The following STK3 variants were observed in gnomAD, a reference collection of about 807,000 sequenced individuals.
STK3 encodes the protein serine/threonine kinase 3.
STK3 carries 41 observed loss-of-function variants against 58.0 expected under a neutral mutation model. That is an observed-to-expected ratio of 0.71 (90% CI 0.55 to 0.92). STK3 has a LOEUF of 0.92. Among genes scored for constraint, STK3 ranks in the 40% least tolerant of loss-of-function variants. The probability of loss-of-function intolerance (pLI) is 0.00; values close to 1 mark genes in which losing one functional copy is unlikely to be tolerated. For synonymous variants in STK3, 170 were observed against 191.0 expected (o/e 0.89, Z 0.91); for missense variants, 479 against 602.7 (o/e 0.79, Z 2.15).
At chr8:98,866,930 A>C (rs2131864058) in intron 3 of STK3, among the ~76,000 whole-genome samples, 1 of 152,272 alleles carries the variant, frequency 6.6e-6, no homozygotes, top group East Asian at 1.9e-4. Flanking sequence ...TAATACCTTC[A>C]GCTGAAGGCA....
At position 98,813,043 on chromosome 8, in the gene STK3, A is replaced by AG. The variant is rs144787934; in HGVS notation, c.26+12471_26+12472insC. On this transcript the variant is annotated intron_variant, in intron 1 of 10. Coordinates refer to ENST00000419617, the MANE Select transcript of STK3 (RefSeq NM_006281.4). Reference sequence around the variant, plus strand: ...TAGAACTTAAAGCACAATAAAAAAAAAAAAAAGAAAGTGATGTGTTTCTTC... The same window carrying AG: ...TAGAACTTAAAGCACAATAAAAAAAAGAAAAAAGAAAGTGATGTGTTTCTTC... 4.2e-4 allele frequency among the ~76,000 whole-genome samples: 64 copies of AG among 152,096 alleles called. 1 individual carries two copies. In the East Asian group the frequency reaches 0.012, roughly 28 times the overall value.
chr8:98,789,847 T>A (rs529882095), intron 1 of STK3, among the ~76,000 whole-genome samples: 2 of 151,904 alleles, frequency 1.3e-5, no homozygotes, highest in African/African-American at 4.8e-5. Context: ...CCCAACATGG[T>A]GAAACCCTGT....
intron 10 of STK3, among the ~76,000 whole-genome samples, chr8:98,490,748 A>G (rs987423108): frequency 6.6e-6 from 1 of 152,224 alleles, no homozygotes; most frequent in Non-Finnish European, 1.5e-5. Context: ...TTCACAAACC[A>G]TTTACAAGTC....
chr8:98,345,248 A>T, the STK3 span, among the ~76,000 whole-genome samples: 1 of 152,040 alleles, frequency 6.6e-6, no homozygotes, highest in African/African-American at 2.4e-5. Flanking sequence ...GACTTTAATC[A>T]TGGAAAGATG....
intron 6 of STK3, among the ~76,000 whole-genome samples, chr8:98,696,581 T>C (rs201984959): frequency 2.0e-5 from 3 of 152,364 alleles, no homozygotes; most frequent in East Asian, 1.9e-4. Flanking sequence ...TGTTGAATTT[T>C]GTCAAAGGCC....
At chr8:98,844,475 GT>G (rs71273146) in intron 3 of STK3, among the ~76,000 whole-genome samples, 2 of 151,520 alleles carry the variant, frequency 1.3e-5, no homozygotes, top group Non-Finnish European at 2.9e-5. Context: ...GTGTGTTTTT[GT>G]TTTTTTTGAG....
chr8:98,877,807 A>G (rs1042617121), intron 3 of STK3, among the ~76,000 whole-genome samples: 1 of 152,144 alleles, frequency 6.6e-6, no homozygotes, highest in Non-Finnish European at 1.5e-5. Context: ...TTTGTGAGGG[A>G]AAAAAACTTG....
At position 98,875,737 on chromosome 8, in the gene STK3, G is replaced by A. The variant is rs138389115; in HGVS notation, c.110+7910C>T. 6.6e-5 allele frequency: 10 copies of A among 152,286 alleles called. No homozygotes were observed. The East Asian group carries it at 1.7e-3, about 26-fold the overall frequency. The allele number at this position is 152,286 out of a possible 1,614,324, so 9.4% of individuals were successfully genotyped here. ...GTTAACTCTGTAATCAAGTTATTCT[G>A]CCACGTGAAATTTTTCACAAATTGT... On this transcript the variant is annotated intron_variant, in intron 3 of 12. Coordinates refer to the STK3 transcript ENST00000523601.
chr8:98,787,902 C>G (rs1832569190), intron 1 of STK3, among the ~76,000 whole-genome samples: 1 of 152,136 alleles, frequency 6.6e-6, no homozygotes, highest in Admixed American at 6.5e-5. Context: ...TTGCCACTAC[C>G]AAGCCAGCAT....
intron 9 of STK3, among the ~76,000 whole-genome samples, chr8:98,544,422 T>C (rs570729011): frequency 6.6e-6 from 1 of 152,306 alleles, no homozygotes; most frequent in South Asian, 2.1e-4. Context: ...ATCTCTAGGA[T>C]AAATATGCAT....
chr8:98,920,279 G>T (rs902277297), intron 1 of STK3, among the ~76,000 whole-genome samples: 3 of 152,230 alleles, frequency 2.0e-5, no homozygotes, highest in Non-Finnish European at 4.4e-5. Flanking sequence ...GTTGGGGTAG[G>T]TTAGTGAATA....
intron 10 of STK3, among the ~76,000 whole-genome samples, chr8:98,456,520 T>C (rs748990904): frequency 2.0e-4 from 31 of 152,222 alleles, no homozygotes; most frequent in Non-Finnish European, 4.0e-4. Flanking sequence ...GGGCGGGAAG[T>C]AAGGCTGAAT....
intron 10 of STK3, among the ~76,000 whole-genome samples, chr8:98,522,548 T>A (rs1031710080): frequency 2.0e-5 from 3 of 152,118 alleles, no homozygotes; most frequent in Non-Finnish European, 2.9e-5. Context: ...ATGCATTTTT[T>A]ATGCAAAAAA....
At chr8:98,872,762 C>T (rs1430741042) in intron 3 of STK3, among the ~76,000 whole-genome samples, 8 of 151,958 alleles carry the variant, frequency 5.3e-5, no homozygotes, top group Admixed American at 3.3e-4. Context: ...AGTGGTCTAT[C>T]TATTTTGTTG....
intron 7 of STK3, among the ~76,000 whole-genome samples, chr8:98,584,137 G>A (rs1034911036): frequency 2.5e-4 from 37 of 149,886 alleles, no homozygotes; most frequent in Non-Finnish European, 4.3e-4. Context: ...TAGGGTACAT[G>A]TGCACATTGT....
chr8:98,756,105 T>C (rs969370939), intron 3 of STK3, among the ~76,000 whole-genome samples: 1 of 151,054 alleles, frequency 6.6e-6, no homozygotes, highest in Middle Eastern at 3.4e-3. Context: ...ATCGTGCCAC[T>C]GCACTCCTGC....
rs148627990 is a variant in STK3, at chr8:98,714,815, G to A, written c.352-7504C>T. Among the ~76,000 whole-genome samples the A allele has an allele frequency of 3.2e-3, 488 of 152,218 alleles. 3 individuals are homozygous for A. Among genetic ancestry groups the A allele is most frequent in the African/African-American group, 0.01 (429 of 41,548 alleles). On this transcript the variant is annotated intron_variant, in intron 4 of 10. Coordinates refer to ENST00000419617, the MANE Select transcript of STK3 (RefSeq NM_006281.4). ...TTCATATGGAACCCAAAAAGAGCCC[G>A]CACTGCCAAGTCAATCCTAAGCCAA...
the STK3 span, among the ~76,000 whole-genome samples, chr8:98,364,389 T>C: frequency 2.0e-5 from 3 of 152,122 alleles, no homozygotes; most frequent in Non-Finnish European, 2.9e-5. Flanking sequence ...TGGGCCTATC[T>C]TGAAGTCCCC....
chr8:98,523,703 T>A lies in STK3; in HGVS notation c.1317+3039A>T, dbSNP rs143828003. On this transcript the variant is annotated intron_variant, in intron 10 of 10. Transcript: ENST00000419617. Reference sequence around the variant, plus strand: ...TTGCCCATTTCTGAAATGGACTGTTTGGGTTTTTTTTTTGTTGCTGTTGAG... The same window carrying A: ...TTGCCCATTTCTGAAATGGACTGTTAGGGTTTTTTTTTTGTTGCTGTTGAG... Among the ~76,000 whole-genome samples the A allele has an allele frequency of 2.2e-3, 335 of 152,090 alleles. 2 individuals carry two copies. Among genetic ancestry groups the A allele is most frequent in the African/African-American group, 6.9e-3 (288 of 41,504 alleles).
Sources: allele counts gnomAD v4.1 joint callset (sites outside exome capture counted in the v4.1 genomes callset), GRCh38; gene constraint gnomAD v4.1.1; transcripts MANE v1.5; gene names NCBI Gene and HGNC (gene_info 2026-07-23, HGNC 2026-07-21).